ZC3H7B: variants seen among roughly 807,000 people sequenced by gnomAD.
ZC3H7B encodes the protein zinc finger CCCH domain-containing protein 7B.
ZC3H7B carries 35 observed loss-of-function variants against 116.0 expected under a neutral mutation model. That is an observed-to-expected ratio of 0.30 (90% confidence interval 0.23 to 0.40). The LOEUF (loss-of-function observed/expected upper bound fraction) is 0.40. Ranked by LOEUF, ZC3H7B falls within the 10% of genes least tolerant of loss-of-function variation. The pLI is 1.00. For missense variants in ZC3H7B, 1,011 were observed against 1,321.5 expected (o/e 0.77, Z 3.64); for synonymous variants, 502 against 545.6 (o/e 0.92, Z 1.11).
At chr22:41,308,464 A>G (rs1210469070) in intron 1 of ZC3H7B, among the ~76,000 whole-genome samples, 1 of 152,146 alleles carries the variant, frequency 6.6e-6, no homozygotes, top group Non-Finnish European at 1.5e-5. Flanking sequence ...AAACGGCCGT[A>G]CTGATCCTGT....
intron 1 of ZC3H7B, among the ~76,000 whole-genome samples, chr22:41,317,577 C>G (rs988988666): frequency 1.3e-5 from 2 of 151,720 alleles, no homozygotes; most frequent in African/African-American, 4.8e-5. Flanking sequence ...ATTTCTTGAG[C>G]CCAGGAGTTC....
chr22:41,345,872 C>T, intron 13 of ZC3H7B, 131 bp from the exon 14 acceptor site: 2 of 889,722 alleles, frequency 2.2e-6, no homozygotes, highest in South Asian at 1.5e-5. Flanking sequence ...GCTCACCTAG[C>T]TGTGTTGGGG....
At chr22:41,319,151 C>T (rs2036220878) in intron 1 of ZC3H7B, among the ~76,000 whole-genome samples, 4 of 152,038 alleles carry the variant, frequency 2.6e-5, no homozygotes, top group South Asian at 2.1e-4. Context: ...CCTGTAATCC[C>T]AGCACTTTGG....
chr22:41,356,614 G>A (rs757598142), intron 21 of ZC3H7B, 31 bp from the exon 22 acceptor site: 7 of 1,612,650 alleles, frequency 4.3e-6, no homozygotes, highest in Non-Finnish European at 5.1e-6. Flanking sequence ...AGGTGTGGGG[G>A]AGCAGGCACC....
intron 5 of ZC3H7B, among the ~76,000 whole-genome samples, chr22:41,329,092 G>C (rs1381567803): frequency 6.8e-6 from 1 of 147,224 alleles, no homozygotes; most frequent in Non-Finnish European, 1.5e-5. Context: ...TGTAATCCCA[G>C]CTACGCGAAG....
Position 41,340,157 on chromosome 22 carries a change from C to T in ZC3H7B, c.1138+20C>T, listed in dbSNP as rs764307140. 16 of 1,578,282 alleles carry T rather than the reference C, an allele frequency of 1.0e-5. No homozygotes were observed. The highest frequency in any genetic ancestry group is 1.7e-5 in the Admixed American group (1 of 58,370). Reference sequence around the variant, plus strand: ...TCATGGGTAAGGCCATGGGTGGGCCCGTTCAACCTCCCTGGACAGGTTGCA... The same window carrying T: ...TCATGGGTAAGGCCATGGGTGGGCCTGTTCAACCTCCCTGGACAGGTTGCA... On this transcript the variant is annotated intron_variant, in intron 10 of 22. Coordinates refer to ENST00000352645, the MANE Select transcript of ZC3H7B (RefSeq NM_017590.6).
Position 41,327,426 on chromosome 22 carries a change from C to T in ZC3H7B, c.444+62C>T. ...AGAGGCCAGGCTTCTGACCTTCCGGCCCTCACTTGGGCCCAGCCACCACAT... is the reference window on the plus strand; with the variant it reads ...AGAGGCCAGGCTTCTGACCTTCCGGTCCTCACTTGGGCCCAGCCACCACAT... On this transcript the variant is annotated intron_variant, in intron 5 of 22. Coordinates refer to ENST00000352645, the MANE Select transcript of ZC3H7B (RefSeq NM_017590.6). The surrounding 1 kb of genome is among the most constrained non-coding windows in gnomAD (Gnocchi z 4.5). The T allele has an allele frequency of 3.8e-6, 6 of 1,576,706 alleles. No homozygotes were observed. In the Admixed American group the frequency reaches 5.1e-5, roughly 13 times the overall value.
At chr22:41,330,343 C>G (rs2036365823) in intron 6 of ZC3H7B, among the ~76,000 whole-genome samples, 1 of 152,254 alleles carries the variant, frequency 6.6e-6, no homozygotes. Flanking sequence ...CACTCCCTCC[C>G]CTGTGCTGGC....
intron 14 of ZC3H7B, 70 bp from the exon 15 acceptor site, chr22:41,347,997 G>T: frequency 7.4e-7 from 1 of 1,350,410 alleles, no homozygotes; most frequent in Non-Finnish European, 1.1e-6. Context: ...CCAGCTAGCT[G>T]TGTGGGGTCC....
In ZC3H7B at chr22:41,325,655, G is replaced by T; in HGVS notation, c.87+58G>T. 5.0e-6 allele frequency: 8 copies of T among 1,608,034 alleles called. No individual in the cohort carries two copies. In the South Asian group the frequency reaches 8.9e-5, roughly 18 times the overall value. ...AAGGGCGGAGATGTGCAGGGGAGAGGCGTGGGCCGGGTGCCAGAGCTGGGG... is the reference window on the plus strand; with the variant it reads ...AAGGGCGGAGATGTGCAGGGGAGAGTCGTGGGCCGGGTGCCAGAGCTGGGG... On this transcript the variant is annotated intron_variant, in intron 3 of 22. Transcript: ENST00000352645.
Position 41,330,017 on chromosome 22 carries a change from C to T in ZC3H7B, c.445-6C>T. 1 of 1,613,704 alleles carries T rather than the reference C, an allele frequency of 6.2e-7. No individual in the cohort carries two copies. ...GACCCACCGCCCTGTGTCTTGTCCTCTGCAGGATGAAAGCGTGACTCAGCT... is the reference window on the plus strand; with the variant it reads ...GACCCACCGCCCTGTGTCTTGTCCTTTGCAGGATGAAAGCGTGACTCAGCT... On this transcript the variant is annotated splice_polypyrimidine_tract_variant and splice_region_variant and intron_variant, in intron 5 of 22. Transcript: ENST00000352645.
intron 4 of ZC3H7B, among the ~76,000 whole-genome samples, chr22:41,326,675 C>G (rs1306612943): frequency 1.3e-5 from 2 of 152,196 alleles, no homozygotes; most frequent in African/African-American, 4.8e-5. Flanking sequence ...TCCTGTGCAC[C>G]CACTGACTCA....
chr22:41,323,517 C>A (rs1412533584), intron 2 of ZC3H7B, among the ~76,000 whole-genome samples: 1 of 152,218 alleles, frequency 6.6e-6, no homozygotes, highest in Non-Finnish European at 1.5e-5. Flanking sequence ...TAAATGTTCA[C>A]TCTCGTCCCC....
rs1048580458 is a variant in ZC3H7B at position 41,338,695 on chromosome 22, T to C, written c.626-306T>C. ...TCCAGAAAAGGTTGCCTTTTAAGAG[T>C]GTCCCCTGGAGAGGGCATTGCTTAC... On this transcript the variant is annotated intron_variant, in intron 8 of 22. Transcript: ENST00000352645. The surrounding 1 kb of genome is among the most constrained non-coding windows in gnomAD (Gnocchi z 4.5). 1.3e-5 allele frequency among the ~76,000 whole-genome samples: 2 copies of C among 152,042 alleles called. No homozygotes were observed. The highest frequency in any genetic ancestry group is 2.9e-5 in the Non-Finnish European group (2 of 67,994).
At position 41,341,117 on chromosome 22, in the gene ZC3H7B, C is replaced by T. The variant is rs2036517367; in HGVS notation, c.1168C>T (p.Pro390Ser). ...GACCAACTCACAGGACCACCGTCCCCCTAGCGGTGCTCAGAAACCAGCCCC... is the reference window on the plus strand; with the variant it reads ...GACCAACTCACAGGACCACCGTCCCTCTAGCGGTGCTCAGAAACCAGCCCC... ...EETNSQDHRPPSGAQKPAPSP... is the reference protein window; with the variant it reads ...EETNSQDHRPSSGAQKPAPSP... Residue 390 changes from proline (P) to serine (S), a missense_variant, in exon 11 of 23, where the codon CCT (proline) becomes TCT (serine). By Grantham distance (74) the Pro-to-Ser change is moderately conservative (BLOSUM62 -1). Coordinates refer to ENST00000352645, the MANE Select transcript of ZC3H7B (RefSeq NM_017590.6). 1 of 1,614,002 alleles carries T rather than the reference C, an allele frequency of 6.2e-7. No individual in the cohort carries two copies. The highest frequency in any genetic ancestry group is 1.1e-5 in the South Asian group (1 of 91,066).
chr22:41,348,737 A>T (rs1025675127), intron 15 of ZC3H7B, among the ~76,000 whole-genome samples: 3 of 152,144 alleles, frequency 2.0e-5, no homozygotes, highest in Non-Finnish European at 2.9e-5. Context: ...AAAGCTGATG[A>T]TGCTCTAGGC....
intron 16 of ZC3H7B, among the ~76,000 whole-genome samples, chr22:41,350,815 G>T (rs1459504145): frequency 6.6e-6 from 1 of 152,200 alleles, no homozygotes; most frequent in Non-Finnish European, 1.5e-5. Flanking sequence ...CAGATCATCA[G>T]CAAGAAACTG....
In ZC3H7B at chr22:41,330,236, A is replaced by T; in HGVS notation, c.525+133A>T. On this transcript the variant is annotated intron_variant, in intron 6 of 22. Transcript: ENST00000352645. ...GGACAGAGGGGAGTGACAGCAGGTGATCTTCCTTGTCTGTTGGCTGAAAGC... is the reference window on the plus strand; with the variant it reads ...GGACAGAGGGGAGTGACAGCAGGTGTTCTTCCTTGTCTGTTGGCTGAAAGC... The T allele has an allele frequency of 3.6e-6, 3 of 840,306 alleles. No individual in the cohort carries two copies. The East Asian group carries it at 8.3e-5, about 23-fold the overall frequency. The allele number at this position is 840,306 out of a possible 1,614,324, so 52.1% of individuals were successfully genotyped here. A position where few individuals can be genotyped will look rare whatever the true frequency, so the allele number is the denominator to read the frequency against.
chr22:41,324,443 G>C (rs1444719668), intron 2 of ZC3H7B, among the ~76,000 whole-genome samples: 1 of 152,226 alleles, frequency 6.6e-6, no homozygotes, highest in African/African-American at 2.4e-5. Flanking sequence ...CCCTGCATCC[G>C]ATGCCTTCCT....
Sources: allele counts gnomAD v4.1 joint callset (sites outside exome capture counted in the v4.1 genomes callset), GRCh38; gene constraint gnomAD v4.1.1; non-coding constraint Gnocchi (gnomAD v3.1); transcripts MANE v1.5; gene names NCBI Gene and HGNC (gene_info 2026-07-23, HGNC 2026-07-21).